The following PDE4B variants were observed in gnomAD, a reference collection of about 807,000 sequenced individuals.
PDE4B encodes phosphodiesterase 4B, also known as 3',5'-cyclic-AMP phosphodiesterase 4B.
Under a neutral mutation model 82.2 loss-of-function variants are expected in PDE4B, and 20 were observed. The ratio of observed to expected loss-of-function variants is 0.24; its 90% CI spans 0.17 to 0.35. The LOEUF is 0.35. PDE4B is among the 10% of genes least tolerant of loss of function. The pLI, the probability that PDE4B is intolerant of heterozygous loss-of-function variation, is 1.00. For missense variants in PDE4B, 655 were observed against 907.2 expected, an observed-to-expected ratio of 0.72 and a Z score of 3.57; for synonymous variants, 320 against 318.9, an observed-to-expected ratio of 1.00 and a Z score of -0.04.
intron 1 of PDE4B, among the ~76,000 whole-genome samples, chr1:65,883,465 A>G (rs201152912): frequency 0.025 from 3,846 of 151,924 alleles, 133 homozygotes; most frequent in East Asian, 0.13. Context: ...TTTGTCTGTT[A>G]TTGGTGTATA....
intron 3 of PDE4B, among the ~76,000 whole-genome samples, chr1:66,115,470 G>T (rs1645576115): frequency 6.6e-6 from 1 of 152,204 alleles, no homozygotes; most frequent in Non-Finnish European, 1.5e-5. Context: ...AGACAATCCA[G>T]AATAGCATTA....
intron 3 of PDE4B, among the ~76,000 whole-genome samples, chr1:66,085,199 G>A (rs772883460): frequency 2.0e-5 from 3 of 152,060 alleles, no homozygotes; most frequent in Admixed American, 6.6e-5. Context: ...AGGCAGCTGC[G>A]GGTTTAACAA....
At chr1:65,860,088 A>G (rs1390918849) in intron 1 of PDE4B, among the ~76,000 whole-genome samples, 1 of 152,204 alleles carries the variant, frequency 6.6e-6, no homozygotes, top group Non-Finnish European at 1.5e-5. Flanking sequence ...CATGCAGGTT[A>G]GTTACATAGG....
At chr1:65,966,853 G>T in intron 3 of PDE4B, among the ~76,000 whole-genome samples, 1 of 152,116 alleles carries the variant, frequency 6.6e-6, no homozygotes, top group Admixed American at 6.6e-5. Flanking sequence ...GCTGAAACTG[G>T]ATCCCTTCCT....
intron 3 of PDE4B, among the ~76,000 whole-genome samples, chr1:66,026,171 G>A (rs926795074): frequency 6.6e-6 from 1 of 152,174 alleles, no homozygotes; most frequent in Non-Finnish European, 1.5e-5. Flanking sequence ...CTTGAAGCAT[G>A]AATGACAGTG....
At chr1:65,802,172 A>T (rs1645700925) in intron 1 of PDE4B, among the ~76,000 whole-genome samples, 1 of 152,024 alleles carries the variant, frequency 6.6e-6, no homozygotes. Flanking sequence ...CAAGAAGTTT[A>T]TTTTTTTTAT....
chr1:66,175,800 C>G (rs1157532078), intron 3 of PDE4B, among the ~76,000 whole-genome samples: 2 of 152,184 alleles, frequency 1.3e-5, no homozygotes, highest in Non-Finnish European at 2.9e-5. Flanking sequence ...ACTTAAAAGT[C>G]AGTCTTGTAT....
intron 3 of PDE4B, among the ~76,000 whole-genome samples, chr1:66,079,099 A>G (rs1264248159): frequency 6.6e-6 from 1 of 152,026 alleles, no homozygotes; most frequent in East Asian, 1.9e-4. Context: ...AAACAGAATT[A>G]AAAATGAAAA....
At chr1:66,135,182 C>T (rs1303736434) in intron 3 of PDE4B, among the ~76,000 whole-genome samples, 1 of 152,116 alleles carries the variant, frequency 6.6e-6, no homozygotes, top group Non-Finnish European at 1.5e-5. Flanking sequence ...ATAGCTGGCA[C>T]TTACAGTTGG....
chr1:66,186,027 G>A (rs111916913), intron 3 of PDE4B, among the ~76,000 whole-genome samples: 1,912 of 152,222 alleles, frequency 0.013, 35 homozygotes, highest in African/African-American at 0.044. Flanking sequence ...GTGTAAGGAA[G>A]GGATCCAGTT....
intron 3 of PDE4B, among the ~76,000 whole-genome samples, chr1:65,953,737 T>A (rs976852173): frequency 3.3e-5 from 5 of 152,240 alleles, no homozygotes; most frequent in Middle Eastern, 3.4e-3. Flanking sequence ...AACAGTACAA[T>A]TTTTAAAAAA....
chr1:65,957,194 C>T (rs1480537847), intron 3 of PDE4B, among the ~76,000 whole-genome samples: 1 of 151,538 alleles, frequency 6.6e-6, no homozygotes, highest in African/African-American at 2.4e-5. Flanking sequence ...TAACATTCTT[C>T]ATTTTGATGT....
chr1:66,220,508 A>G (rs1455502135), intron 3 of PDE4B, among the ~76,000 whole-genome samples: 3 of 152,250 alleles, frequency 2.0e-5, no homozygotes, highest in Non-Finnish European at 4.4e-5. Context: ...GAAGCCTTGT[A>G]TGCTGCTTGC....
chr1:66,213,319 A>G (rs934142454), intron 3 of PDE4B, among the ~76,000 whole-genome samples: 2 of 152,112 alleles, frequency 1.3e-5, no homozygotes, highest in African/African-American at 4.8e-5. Flanking sequence ...TTCAGACTTT[A>G]TGGTGAAAAT....
chr1:66,325,585 C>A (rs191987219), intron 7 of PDE4B, among the ~76,000 whole-genome samples: 1 of 152,180 alleles, frequency 6.6e-6, no homozygotes, highest in Non-Finnish European at 1.5e-5. Flanking sequence ...CAGGTCAGCT[C>A]TATATTTTAG....
intron 3 of PDE4B, among the ~76,000 whole-genome samples, chr1:65,977,043 T>C (rs1488139527): frequency 6.6e-6 from 1 of 152,222 alleles, no homozygotes; most frequent in Non-Finnish European, 1.5e-5. Context: ...CTATGTTAAC[T>C]GAAGCTACCT....
rs1645589743 is a variant in PDE4B, at chr1:65,793,041, T to C, written c.-278T>C. The C allele has an allele frequency of 6.6e-6, 1 of 151,790 alleles. No homozygotes were observed. The highest frequency in any genetic ancestry group is 1.5e-5 in the Non-Finnish European group (1 of 67,944). 9.4% of individuals were successfully genotyped at this position (151,790 alleles called of 1,614,324 possible). A position where few individuals can be genotyped will look rare whatever the true frequency, so the allele number is the denominator to read the frequency against. Reference sequence around the variant, plus strand: ...GGGCTCCTGGCCTCGCCTCAGCGGCTGCAGGCTCTTCGTCGCGGGCCGGGC... The same window carrying C: ...GGGCTCCTGGCCTCGCCTCAGCGGCCGCAGGCTCTTCGTCGCGGGCCGGGC... On this transcript the variant is annotated 5_prime_UTR_variant, in exon 1 of 17. Coordinates refer to ENST00000341517, the MANE Select transcript of PDE4B (RefSeq NM_002600.4).
chr1:66,165,420 A>G (rs1218779725), intron 3 of PDE4B, among the ~76,000 whole-genome samples: 1 of 152,154 alleles, frequency 6.6e-6, no homozygotes, highest in South Asian at 2.1e-4. Flanking sequence ...CTTTAATTTT[A>G]GTGAGCTAAA....
intron 3 of PDE4B, among the ~76,000 whole-genome samples, chr1:66,120,761 C>T (rs1645692380): frequency 6.6e-6 from 1 of 152,052 alleles, no homozygotes. Context: ...TCTATTTTTC[C>T]TTCACCAGCT....
Sources: allele counts gnomAD v4.1 joint callset (sites outside exome capture counted in the v4.1 genomes callset), GRCh38; gene constraint gnomAD v4.1.1; transcripts MANE v1.5; gene names NCBI Gene and HGNC (gene_info 2026-07-23, HGNC 2026-07-21).